PDE4D: variants seen among roughly 807,000 people sequenced by gnomAD.
PDE4D encodes 3',5'-cyclic-AMP phosphodiesterase 4D.
Under a neutral mutation model 87.4 loss-of-function variants are expected in PDE4D, and 24 were observed. That is an observed-to-expected ratio of 0.27 (90% confidence interval 0.20 to 0.39). The LOEUF is 0.39. Ranked by LOEUF, PDE4D falls within the 10% of genes least tolerant of loss-of-function variation. The pLI is 1.00. For synonymous variants in PDE4D, 384 were observed against 383.2 expected (o/e 1.00, Z -0.02); for missense variants, 714 against 1,041.0 (o/e 0.69, Z 4.32).
chr5:60,261,232 C>T (rs1160285831), intron 1 of PDE4D, among the ~76,000 whole-genome samples: 1 of 152,038 alleles, frequency 6.6e-6, no homozygotes, highest in East Asian at 1.9e-4. Flanking sequence ...TTAGAAACAA[C>T]CTTGAATGTT....
chr5:60,452,828 T>A (rs182907301), intron 1 of PDE4D, among the ~76,000 whole-genome samples: 30 of 152,182 alleles, frequency 2.0e-4, no homozygotes, highest in African/African-American at 7.2e-4. Context: ...TGTTTAAAAG[T>A]AGCATCTTCA....
chr5:59,682,270 G>A (rs972673760), intron 1 of PDE4D, among the ~76,000 whole-genome samples: 2 of 152,086 alleles, frequency 1.3e-5, no homozygotes, highest in African/African-American at 4.8e-5. Context: ...TTACAAAGGA[G>A]GAAAATAGTA....
intron 5 of PDE4D, among the ~76,000 whole-genome samples, chr5:59,160,631 A>G (rs1346956292): frequency 1.3e-5 from 2 of 152,132 alleles, no homozygotes; most frequent in African/African-American, 4.8e-5. Context: ...GGTGTGAGGC[A>G]CCACGCCTGC....
chr5:58,992,599 T>C (rs778535507), intron 7 of PDE4D, among the ~76,000 whole-genome samples: 4 of 152,154 alleles, frequency 2.6e-5, no homozygotes, highest in African/African-American at 4.8e-5. Flanking sequence ...CCAGGTTTTA[T>C]GGGAGCATAG....
intron 2 of PDE4D, among the ~76,000 whole-genome samples, chr5:60,047,563 C>T (rs1292293220): frequency 1.4e-4 from 21 of 152,130 alleles, no homozygotes; most frequent in African/African-American, 4.3e-4. Flanking sequence ...TTCTGGTATG[C>T]TGTGTCTTTG....
At chr5:60,328,572 G>A (rs1481478923) in intron 1 of PDE4D, among the ~76,000 whole-genome samples, 6 of 152,098 alleles carry the variant, frequency 3.9e-5, no homozygotes, top group Non-Finnish European at 8.8e-5. Context: ...TTCTGTTGAT[G>A]GAAACTTGGA....
chr5:59,276,124 A>G (rs1352098049), intron 1 of PDE4D: 26 of 182,404 alleles, frequency 1.4e-4, no homozygotes, highest in Non-Finnish European at 1.5e-4. Context: ...TGAGAAAGGA[A>G]AAAAAAAAAA....
intron 1 of PDE4D, among the ~76,000 whole-genome samples, chr5:59,725,258 T>C (rs1374879249): frequency 6.6e-6 from 1 of 152,082 alleles, no homozygotes; most frequent in East Asian, 1.9e-4. Context: ...CCTTTAGCCT[T>C]TGCATTCTCC....
chr5:59,885,474 C>G (rs990568835), intron 1 of PDE4D, among the ~76,000 whole-genome samples: 1 of 152,130 alleles, frequency 6.6e-6, no homozygotes, highest in Non-Finnish European at 1.5e-5. Context: ...CATTAGTATA[C>G]TATGTTCTCA....
At chr5:60,019,616 A>C (rs1392739023) in intron 2 of PDE4D, among the ~76,000 whole-genome samples, 2 of 152,134 alleles carry the variant, frequency 1.3e-5, no homozygotes, top group African/African-American at 4.8e-5. Flanking sequence ...AACCTCATGC[A>C]CCAACCTCTC....
At chr5:60,344,253 C>T (rs764508069) in intron 1 of PDE4D, among the ~76,000 whole-genome samples, 8 of 152,252 alleles carry the variant, frequency 5.3e-5, no homozygotes, top group East Asian at 1.9e-4. Flanking sequence ...CCTTCTCCAA[C>T]GGACATAGCA....
intron 1 of PDE4D, among the ~76,000 whole-genome samples, chr5:60,369,085 C>A (rs1024949571): frequency 2.0e-5 from 3 of 151,870 alleles, no homozygotes; most frequent in Admixed American, 6.6e-5. Context: ...CTTGTTTGAA[C>A]CCCACTCTCC....
At chr5:60,106,174 A>C (rs1164229220) in intron 2 of PDE4D, among the ~76,000 whole-genome samples, 2 of 151,760 alleles carry the variant, frequency 1.3e-5, no homozygotes, top group African/African-American at 2.4e-5. Flanking sequence ...TCTACCAAGC[A>C]AATGGAAAGC....
chr5:59,693,128 C>A (rs1234219406), intron 1 of PDE4D, among the ~76,000 whole-genome samples: 1 of 144,262 alleles, frequency 6.9e-6, no homozygotes, highest in East Asian at 2.0e-4. Flanking sequence ...TCTAGAAGAC[C>A]CTGAAATTGT....
chr5:60,360,642 T>G, intron 1 of PDE4D, among the ~76,000 whole-genome samples: 1 of 152,196 alleles, frequency 6.6e-6, no homozygotes, highest in Non-Finnish European at 1.5e-5. Context: ...GATTTACACC[T>G]AATTAAGCTT....
chr5:59,086,942 G>A (rs936930753), intron 5 of PDE4D, among the ~76,000 whole-genome samples: 2 of 151,966 alleles, frequency 1.3e-5, no homozygotes, highest in African/African-American at 2.4e-5. Flanking sequence ...TCTTTCCCCT[G>A]CCTACTCCAA....
intron 1 of PDE4D, among the ~76,000 whole-genome samples, chr5:59,328,370 A>G (rs549714195): frequency 1.3e-3 from 191 of 152,326 alleles, no homozygotes; most frequent in African/African-American, 4.3e-3. Context: ...CAATGTAGGT[A>G]TTATATAAGT....
intron 1 of PDE4D, among the ~76,000 whole-genome samples, chr5:59,407,026 T>G (rs759831093): frequency 2.0e-5 from 3 of 152,190 alleles, no homozygotes; most frequent in Non-Finnish European, 2.9e-5. Flanking sequence ...CTTGAATGAT[T>G]TAACTGGACT....
At chr5:59,649,930 T>TTTTTTTTTTTTTTTTTTTTTTTTTG (rs1580152373) in intron 1 of PDE4D, among the ~76,000 whole-genome samples, 1 of 140,916 alleles carries the variant, frequency 7.1e-6, no homozygotes. Flanking sequence ...TTTTTTTTTT[T>TTTTTTTTTTTTTTTTTTTTTTTTTG]TTAGCAATGA....
Sources: gnomAD v4.1 joint callset for allele counts (sites outside exome capture counted in the v4.1 genomes callset) on GRCh38, gnomAD v4.1.1 for gene constraint, MANE v1.5 for transcripts, NCBI Gene and HGNC (gene_info 2026-07-23, HGNC 2026-07-21) for gene names.